The following GALNT16 variants were observed in gnomAD, a reference collection of about 807,000 sequenced individuals.
GALNT16 encodes the protein UDP-GalNAc:polypeptide N-acetylgalactosaminyltransferase-like protein 1.
A neutral mutation model predicts 76.1 loss-of-function variants in GALNT16; 40 were observed. The observed-to-expected ratio is 0.53, with a 90% CI of 0.41 to 0.68. GALNT16 has a LOEUF of 0.68. Ranked by LOEUF, GALNT16 falls within the 30% of genes least tolerant of loss-of-function variation. The pLI is 0.00. For synonymous variants in GALNT16, 276 were observed against 285.2 expected (o/e 0.97, Z 0.32); for missense variants, 621 against 731.9 (o/e 0.85, Z 1.75).
chr14:69,346,968 T>C, intron 12 of GALNT16, 72 bp from the exon 13 acceptor site: 1 of 1,589,106 alleles, frequency 6.3e-7, no homozygotes, highest in Non-Finnish European at 8.6e-7. Context: ...GATAGGATGC[T>C]GACGTCTGGC....
intron 12 of GALNT16, among the ~76,000 whole-genome samples, chr14:69,342,582 A>T (rs1397986650): frequency 6.6e-6 from 1 of 152,062 alleles, no homozygotes; most frequent in East Asian, 1.9e-4. Flanking sequence ...TCAGTGAATC[A>T]CTATACATAG....
chr14:69,326,972 A>T (rs1295690145), intron 5 of GALNT16, among the ~76,000 whole-genome samples: 2 of 152,220 alleles, frequency 1.3e-5, no homozygotes, highest in Non-Finnish European at 2.9e-5. Flanking sequence ...GAATAGATGG[A>T]GTGAATTGAG....
intron 12 of GALNT16, among the ~76,000 whole-genome samples, chr14:69,345,582 C>G (rs958602753): frequency 1.3e-4 from 20 of 152,060 alleles, no homozygotes; most frequent in African/African-American, 4.8e-4. Context: ...CTCCTGCTCC[C>G]CTGTAACTCC....
chr14:69,325,908 T>C, intron 4 of GALNT16, 54 bp from the exon 5 acceptor site: 2 of 1,407,348 alleles, frequency 1.4e-6, no homozygotes, highest in South Asian at 2.3e-5. Context: ...GCCAAACCAC[T>C]AGTGGCCTGA....
At chr14:69,262,737 A>G (rs1046803596) in intron 1 of GALNT16, among the ~76,000 whole-genome samples, 4 of 152,120 alleles carry the variant, frequency 2.6e-5, no homozygotes, top group Non-Finnish European at 5.9e-5. Flanking sequence ...ACTTTTGACA[A>G]CTGCCTTGCA....
chr14:69,338,325 A>G (rs1039801973), intron 9 of GALNT16, among the ~76,000 whole-genome samples: 7 of 152,142 alleles, frequency 4.6e-5, no homozygotes, highest in Admixed American at 4.6e-4. Context: ...GGCTTTCTAG[A>G]CAGAGCCTGG....
the GALNT16 span, among the ~76,000 whole-genome samples, chr14:69,382,967 A>G: frequency 6.6e-6 from 1 of 152,218 alleles, no homozygotes; most frequent in Non-Finnish European, 1.5e-5. Flanking sequence ...GTAGGTTTAT[A>G]TAAGAACAGA....
chr14:69,292,429 C>G (rs890577038), intron 1 of GALNT16, among the ~76,000 whole-genome samples: 6 of 152,214 alleles, frequency 3.9e-5, no homozygotes, highest in African/African-American at 1.4e-4. Context: ...GAGCCTGAGG[C>G]CAATGCAGGC....
rs550061819 is a variant in GALNT16, at chr14:69,334,466, A to G, written c.967+866A>G. Among the ~76,000 whole-genome samples, 35 of 152,330 alleles carry G rather than the reference A, an allele frequency of 2.3e-4. 1 individual carries two copies. In the South Asian group the frequency reaches 6.8e-3, roughly 30 times the overall value. ...TGAGATGGAGGTTAGATAAAGGGTG[A>G]GCATCAGTTAGGGTCCTGGCAGAAT... is the stretch of plus-strand genomic sequence containing the variant. On this transcript the variant is annotated intron_variant, in intron 9 of 14. Coordinates refer to ENST00000448469, the MANE Select transcript of GALNT16 (RefSeq NM_001168368.2).
intron 5 of GALNT16, among the ~76,000 whole-genome samples, chr14:69,327,837 G>A (rs2045305057): frequency 6.6e-6 from 1 of 152,176 alleles, no homozygotes; most frequent in South Asian, 2.1e-4. Flanking sequence ...AGGCTATCGG[G>A]GGACAGGCAC....
chr14:69,274,677 G>A (rs900209348), intron 1 of GALNT16, among the ~76,000 whole-genome samples: 2 of 152,220 alleles, frequency 1.3e-5, no homozygotes, highest in African/African-American at 4.8e-5. Context: ...CCTTGTATAT[G>A]TGTGATGCAG....
intron 9 of GALNT16, among the ~76,000 whole-genome samples, chr14:69,338,285 T>A (rs938375138): frequency 6.6e-6 from 1 of 152,244 alleles, no homozygotes; most frequent in East Asian, 1.9e-4. Flanking sequence ...GACGAGCAGA[T>A]GTGTTTTTCC....
chr14:69,351,949 A>G, intron 14 of GALNT16, 82 bp from the exon 15 acceptor site: 1 of 1,319,118 alleles, frequency 7.6e-7, no homozygotes, highest in Non-Finnish European at 1.1e-6. Flanking sequence ...CTGTGTGCAT[A>G]CATGTGGAAT....
chr14:69,271,320 G>A (rs1239072503), intron 1 of GALNT16, among the ~76,000 whole-genome samples: 1 of 152,238 alleles, frequency 6.6e-6, no homozygotes, highest in Non-Finnish European at 1.5e-5. Context: ...CAAGACCTAT[G>A]GAACTTGGGA....
At chr14:69,318,715 G>A (rs1015242668) in intron 1 of GALNT16, among the ~76,000 whole-genome samples, 8 of 152,186 alleles carry the variant, frequency 5.3e-5, no homozygotes, top group Non-Finnish European at 1.2e-4. Context: ...GGAGGATAAC[G>A]AAGTGCATAC....
chr14:69,274,701 A>T (rs1340131072), intron 1 of GALNT16, among the ~76,000 whole-genome samples: 2 of 152,246 alleles, frequency 1.3e-5, no homozygotes, highest in African/African-American at 4.8e-5. Context: ...TGGAAATCTC[A>T]TAAACAGAAG....
chr14:69,337,101 C>T (rs1158959738), intron 9 of GALNT16, among the ~76,000 whole-genome samples: 1 of 152,184 alleles, frequency 6.6e-6, no homozygotes, highest in Non-Finnish European at 1.5e-5. Flanking sequence ...TTCCCGTCTT[C>T]TCACTTCCCT....
At chr14:69,296,250 G>A (rs1566868870) in intron 1 of GALNT16, among the ~76,000 whole-genome samples, 2 of 152,066 alleles carry the variant, frequency 1.3e-5, no homozygotes, top group African/African-American at 2.4e-5. Context: ...AGCACCAAGG[G>A]GGATGGTGTT....
chr14:69,380,338 A>G, the GALNT16 span: 4 of 421,908 alleles, frequency 9.5e-6, no homozygotes, highest in Non-Finnish European at 1.7e-5. Flanking sequence ...TAAAAAAAAA[A>G]AAAGAAAGAG....
Sources: allele counts gnomAD v4.1 joint callset (sites outside exome capture counted in the v4.1 genomes callset), GRCh38; gene constraint gnomAD v4.1.1; transcripts MANE v1.5; gene names NCBI Gene and HGNC (gene_info 2026-07-23, HGNC 2026-07-21).